The following PAWR variants were observed in gnomAD, a reference collection of about 807,000 sequenced individuals.
PAWR encodes pro-apoptotic WT1 regulator, also known as PRKC apoptosis WT1 regulator protein.
Under a neutral mutation model 32.0 loss-of-function variants are expected in PAWR, and 23 were observed. The ratio of observed to expected loss-of-function variants is 0.72; its 90% confidence interval spans 0.52 to 1.02. PAWR has a LOEUF of 1.02. PAWR is among the 50% of genes least tolerant of loss of function. PAWR has a pLI of 0.00. For missense variants in PAWR, 457 were observed against 437.7 expected, an observed-to-expected ratio of 1.04 and a Z score of -0.39; for synonymous variants, 226 against 187.1, an observed-to-expected ratio of 1.21 and a Z score of -1.70.
At chr12:79,612,800 A>G (rs1184501990) in intron 4 of PAWR, among the ~76,000 whole-genome samples, 1 of 152,162 alleles carries the variant, frequency 6.6e-6, no homozygotes, top group Non-Finnish European at 1.5e-5. Flanking sequence ...GGAAGTGAAT[A>G]TCCTAGACAC....
intron 2 of PAWR, among the ~76,000 whole-genome samples, chr12:79,640,629 C>T (rs1876276074): frequency 6.6e-6 from 1 of 151,948 alleles, no homozygotes. Flanking sequence ...TAGTCCCAGC[C>T]ACTTGGGAGG....
chr12:79,593,698 A>AG (rs1299000831), intron 6 of PAWR, among the ~76,000 whole-genome samples: 1 of 140,648 alleles, frequency 7.1e-6, no homozygotes, highest in African/African-American at 2.6e-5. Context: ...TACCAATTTT[A>AG]GGGTTTTTTT....
intron 4 of PAWR, chr12:79,596,973 C>G (rs1247515787): frequency 8.8e-6 from 2 of 228,318 alleles, no homozygotes; most frequent in Non-Finnish European, 1.6e-5. Context: ...GGGAATATAA[C>G]TAATAATAAA....
chr12:79,627,784 A>G (rs1285968588), intron 2 of PAWR, among the ~76,000 whole-genome samples: 3 of 152,194 alleles, frequency 2.0e-5, no homozygotes, highest in African/African-American at 4.8e-5. Flanking sequence ...TGCACCCAAT[A>G]CAGGAGCACC....
intron 2 of PAWR, among the ~76,000 whole-genome samples, chr12:79,687,730 T>C (rs1878751566): frequency 6.6e-6 from 1 of 152,098 alleles, no homozygotes; most frequent in Non-Finnish European, 1.5e-5. Context: ...AAAGCAACAA[T>C]ATAAACACAT....
intron 4 of PAWR, among the ~76,000 whole-genome samples, chr12:79,599,576 C>T (rs1592491316): frequency 6.6e-6 from 1 of 152,174 alleles, no homozygotes; most frequent in Non-Finnish European, 1.5e-5. Context: ...TAGTTCAGAG[C>T]AAGCTGTATG....
intron 3 of PAWR, among the ~76,000 whole-genome samples, chr12:79,616,134 C>CT (rs1235312254): frequency 6.6e-6 from 1 of 151,206 alleles, no homozygotes; most frequent in East Asian, 2.0e-4. Context: ...CAAAGAGCTT[C>CT]TTTTATTAAA....
intron 2 of PAWR, among the ~76,000 whole-genome samples, chr12:79,660,583 C>CTT (rs754493353): frequency 1.2e-4 from 16 of 135,426 alleles, no homozygotes; most frequent in East Asian, 1.1e-3. Flanking sequence ...TTTCATTGTA[C>CTT]TTTTTTTTTT....
intron 4 of PAWR, among the ~76,000 whole-genome samples, chr12:79,606,383 A>G (rs938383798): frequency 1.3e-5 from 2 of 152,220 alleles, no homozygotes; most frequent in Non-Finnish European, 2.9e-5. Context: ...CAGTAAGATC[A>G]GTTTAGTGGT....
chr12:79,622,169 T>C (rs1385693145), intron 2 of PAWR, among the ~76,000 whole-genome samples: 5 of 151,690 alleles, frequency 3.3e-5, no homozygotes, highest in Admixed American at 1.3e-4. Context: ...ACTGAAGCCA[T>C]TGTGCAAACC....
At chr12:79,623,508 G>GTTAC (rs8176856) in intron 2 of PAWR, among the ~76,000 whole-genome samples, 53,760 of 151,792 alleles carry the variant, frequency 0.35, 16,243 homozygotes, top group African/African-American at 0.83. Flanking sequence ...AGAATTATGA[G>GTTAC]TTAAGATTTT....
chr12:79,638,757 C>A lies in PAWR; in HGVS notation c.517-17550G>T, dbSNP rs143457806. Among the ~76,000 whole-genome samples, 576 of 145,606 alleles carry A rather than the reference C, an allele frequency of 4.0e-3. 11 individuals carry two copies. The highest frequency in any genetic ancestry group is 0.014 in the African/African-American group (546 of 39,554). On this transcript the variant is annotated intron_variant, in intron 2 of 6. Coordinates refer to ENST00000328827, the MANE Select transcript of PAWR (RefSeq NM_002583.4). ...CCAGGGACTCTAGATCTATTGCCTCCCTATCAAGTCCAAATGCTATCATTA... is the reference window on the plus strand; with the variant it reads ...CCAGGGACTCTAGATCTATTGCCTCACTATCAAGTCCAAATGCTATCATTA...
intron 2 of PAWR, among the ~76,000 whole-genome samples, chr12:79,677,248 G>A (rs1878215802): frequency 6.6e-6 from 1 of 152,184 alleles, no homozygotes; most frequent in African/African-American, 2.4e-5. Context: ...TGTAAAGATA[G>A]TGATAACAAA....
At chr12:79,632,933 A>G (rs1364078766) in intron 2 of PAWR, among the ~76,000 whole-genome samples, 1 of 151,894 alleles carries the variant, frequency 6.6e-6, no homozygotes, top group Non-Finnish European at 1.5e-5. Flanking sequence ...CAGGAGTTCG[A>G]GACCAGCCTG....
chr12:79,608,097 CATT>C (rs1193034783), intron 4 of PAWR, among the ~76,000 whole-genome samples: 2 of 150,994 alleles, frequency 1.3e-5, no homozygotes, highest in African/African-American at 2.4e-5. Flanking sequence ...AAAAAGTTAA[CATT>C]GTTGTGTTGC....
At position 79,677,419 on chromosome 12, in the gene PAWR, T is replaced by C. The variant is rs189534914; in HGVS notation, c.516+12310A>G. On this transcript the variant is annotated intron_variant, in intron 2 of 6. Transcript: ENST00000328827. ...AATGATTATGAAACAAAAGTGTTTA[T>C]GAAACAACAAAAAAAAGTAATAACA... Among the ~76,000 whole-genome samples the C allele has an allele frequency of 6.5e-3, 992 of 152,030 alleles. 6 individuals are homozygous for C. Among genetic ancestry groups the C allele is most frequent in the Non-Finnish European group, 9.8e-3 (666 of 67,972 alleles).
At chr12:79,632,477 A>G (rs972960389) in intron 2 of PAWR, among the ~76,000 whole-genome samples, 1 of 146,170 alleles carries the variant, frequency 6.8e-6, no homozygotes, top group East Asian at 2.1e-4. Context: ...TCCTACCTCA[A>G]CCTCCCAGGT....
At chr12:79,647,182 A>T (rs913594602) in intron 2 of PAWR, among the ~76,000 whole-genome samples, 5 of 151,938 alleles carry the variant, frequency 3.3e-5, no homozygotes, top group Admixed American at 6.6e-5. Flanking sequence ...TCAAAAAAAA[A>T]AAAAAAAAGA....
chr12:79,645,051 CACACACACACACACACAA>C (rs1259123963), intron 2 of PAWR, among the ~76,000 whole-genome samples: 1 of 151,682 alleles, frequency 6.6e-6, no homozygotes, highest in Non-Finnish European at 1.5e-5. Context: ...CACACACACA[CACACACACACACACACAA>C]AAATCAATGT....
Sources: allele counts gnomAD v4.1 joint callset (sites outside exome capture counted in the v4.1 genomes callset), GRCh38; gene constraint gnomAD v4.1.1; transcripts MANE v1.5; gene names NCBI Gene and HGNC (gene_info 2026-07-23, HGNC 2026-07-21).